The following SYTL5 variants were observed in gnomAD, a reference collection of about 807,000 sequenced individuals.
SYTL5 encodes synaptotagmin like 5, also known as synaptotagmin-like protein 5.
In SYTL5, 34 loss-of-function variants were observed where a neutral mutation model predicts 55.9. That is an observed-to-expected ratio of 0.61 (90% CI 0.46 to 0.81). The LOEUF is 0.81. SYTL5 is among the 30% of genes least tolerant of loss of function. The pLI is 0.00. For synonymous variants in SYTL5, 221 were observed against 188.7 expected (o/e 1.17, Z -1.40); for missense variants, 637 against 546.7 (o/e 1.17, Z -1.65).
the SYTL5 span, among the ~76,000 whole-genome samples, chrX:37,907,875 C>A: frequency 1.8e-5 from 2 of 111,345 alleles, no homozygotes; most frequent in Admixed American, 1.9e-4. Flanking sequence ...TTGTTGTGAA[C>A]TTTAATATTT....
chrX:37,993,390 T>G, the SYTL5 span, among the ~76,000 whole-genome samples: 1 of 112,194 alleles, frequency 8.9e-6, no homozygotes, highest in African/African-American at 3.2e-5. Context: ...CATTCCTGGG[T>G]TTAACCAAGC....
the SYTL5 span, among the ~76,000 whole-genome samples, chrX:37,959,733 A>G: frequency 9.0e-6 from 1 of 111,480 alleles, no homozygotes; most frequent in Admixed American, 9.5e-5. Context: ...AACTTTCCCT[A>G]ATATGTCCCT....
At chrX:38,058,192 A>C (rs766834550) in intron 3 of SYTL5, among the ~76,000 whole-genome samples, 13 of 111,411 alleles carry the variant, frequency 1.2e-4, no homozygotes, top group African/African-American at 3.9e-4. Context: ...GGCTGATTTG[A>C]GTATCCTAGA....
At chrX:37,993,160 C>T in the SYTL5 span, among the ~76,000 whole-genome samples, 5 of 112,106 alleles carry the variant, frequency 4.5e-5, no homozygotes, top group Admixed American at 3.8e-4. Flanking sequence ...ATTTACACAG[C>T]TCTCCAGATG....
intron 1 of SYTL5, among the ~76,000 whole-genome samples, chrX:38,024,771 G>A (rs1024168167): frequency 9.0e-6 from 1 of 111,514 alleles, no homozygotes; most frequent in African/African-American, 3.3e-5. Context: ...TGAGGATACT[G>A]CTCTTGAAGT....
intron 2 of SYTL5, among the ~76,000 whole-genome samples, chrX:38,045,673 C>A (rs899286112): frequency 8.9e-6 from 1 of 112,322 alleles, no homozygotes; most frequent in African/African-American, 3.2e-5. Context: ...AACAAGTGTT[C>A]TTTTACTCCT....
chrX:38,092,198 T>A (rs1936815205), intron 7 of SYTL5, among the ~76,000 whole-genome samples: 1 of 112,079 alleles, frequency 8.9e-6, no homozygotes, highest in East Asian at 2.8e-4. Flanking sequence ...TGCTCTAGCA[T>A]GAAAGAAAAT....
At chrX:38,122,255 G>A in intron 15 of SYTL5, 40 bp downstream of exon 15, 1 of 1,147,153 alleles carries the variant, frequency 8.7e-7, no homozygotes. Context: ...TACTTAATAG[G>A]AGATGAAAGG....
At chrX:37,997,386 ACAGCTGCAGC>A in the SYTL5 span, among the ~76,000 whole-genome samples, 126 of 112,660 alleles carry the variant, frequency 1.1e-3, 1 homozygote, top group Middle Eastern at 0.014. Flanking sequence ...CCTCCTGGAC[ACAGCTGCAGC>A]CATCCAAATC....
rs181319922 is a variant in SYTL5, at chrX:38,062,537, A to C, written c.329+8115A>C. The stretch of plus-strand genomic sequence containing the variant: ...GATGGATGGAACATACACAGAGTGC[A>C]GAAGACGATGTATACACCTTTGTTA... On this transcript the variant is annotated intron_variant, in intron 3 of 16. Coordinates refer to ENST00000297875, the MANE Select transcript of SYTL5 (RefSeq NM_138780.3). Among the ~76,000 whole-genome samples the C allele has an allele frequency of 3.5e-4, 39 of 111,824 alleles. 1 individual carries two copies. The highest frequency in any genetic ancestry group is 9.4e-5 in the Non-Finnish European group (5 of 53,172).
At chrX:37,999,195 G>C in the SYTL5 span, among the ~76,000 whole-genome samples, 1 of 112,323 alleles carries the variant, frequency 8.9e-6, no homozygotes, top group Non-Finnish European at 1.9e-5. Context: ...ACCTGTTGCA[G>C]CCAATCAGTA....
chrX:37,893,657 A>G, the SYTL5 span, among the ~76,000 whole-genome samples: 1 of 66,627 alleles, frequency 1.5e-5, no homozygotes, highest in Non-Finnish European at 2.3e-5. Context: ...AATTATATAT[A>G]AAATCTATAT....
At chrX:38,108,332 T>C (rs1005994256) in intron 11 of SYTL5, among the ~76,000 whole-genome samples, 2 of 111,558 alleles carry the variant, frequency 1.8e-5, no homozygotes, top group South Asian at 3.7e-4. Context: ...ATTCTTGAGG[T>C]CACCAAATCT....
chrX:37,947,169 G>A, the SYTL5 span, among the ~76,000 whole-genome samples: 4,677 of 110,890 alleles, frequency 0.042, 239 homozygotes, highest in African/African-American at 0.15. Flanking sequence ...CCCTTTTCTT[G>A]ATAATCTCTG....
chrX:38,063,858 T>C (rs1017593247), intron 3 of SYTL5, among the ~76,000 whole-genome samples: 1 of 111,950 alleles, frequency 8.9e-6, no homozygotes, highest in African/African-American at 3.2e-5. Flanking sequence ...ATGACATTCT[T>C]ATACATATGG....
chrX:37,954,747 C>T, the SYTL5 span, among the ~76,000 whole-genome samples: 1 of 110,977 alleles, frequency 9.0e-6, no homozygotes, highest in Non-Finnish European at 1.9e-5. Context: ...TAACTTTCCT[C>T]CCCATCTTTC....
chrX:38,015,006 G>A (rs996677975), intron 1 of SYTL5, among the ~76,000 whole-genome samples: 7 of 111,730 alleles, frequency 6.3e-5, no homozygotes, highest in African/African-American at 9.8e-5. Context: ...TTTTCCCTTC[G>A]GCTTAGTGAT....
At chrX:37,969,832 C>T in the SYTL5 span, among the ~76,000 whole-genome samples, 1 of 111,591 alleles carries the variant, frequency 9.0e-6, no homozygotes, top group Non-Finnish European at 1.9e-5. Context: ...CAGGATTTCA[C>T]CATGTTGGCT....
At chrX:38,080,487 A>G (rs927074) in intron 6 of SYTL5, among the ~76,000 whole-genome samples, 32,323 of 109,973 alleles carry the variant, frequency 0.29, 3,978 homozygotes, top group African/African-American at 0.43. Context: ...TCTCCAGTGG[A>G]TCTGGGACTG....
Sources: allele counts gnomAD v4.1 joint callset (sites outside exome capture counted in the v4.1 genomes callset), GRCh38; gene constraint gnomAD v4.1.1; transcripts MANE v1.5; gene names NCBI Gene and HGNC (gene_info 2026-07-23, HGNC 2026-07-21).